Variants in PCYOX1L observed in about 807,000 individuals in gnomAD.
PCYOX1L encodes the protein prenylcysteine oxidase 1-like.
A neutral mutation model predicts 44.1 loss-of-function variants in PCYOX1L; 40 were observed. The observed-to-expected ratio is 0.91, with a 90% CI of 0.70 to 1.18. PCYOX1L has a LOEUF of 1.18. PCYOX1L is among the 50% of genes most tolerant of loss of function. PCYOX1L has a pLI of 0.00. For synonymous variants in PCYOX1L, 266 were observed against 282.8 expected (o/e 0.94, Z 0.60); for missense variants, 605 against 653.3 (o/e 0.93, Z 0.81).
intron 3 of PCYOX1L, chr5:149,365,675 A>C: frequency 1.9e-6 from 1 of 523,712 alleles, no homozygotes; most frequent in Non-Finnish European, 3.5e-6. Context: ...GGAGTGGCTC[A>C]GAGCAGTGAT....
At chr5:149,358,189 G>A in intron 1 of PCYOX1L, 33 bp downstream of exon 1, 2 of 1,415,212 alleles carry the variant, frequency 1.4e-6, no homozygotes, top group East Asian at 3.1e-5. Flanking sequence ...TTCCCAGCTG[G>A]GGAGGGCCGG....
Position 149,368,266 on chromosome 5 carries a change from G to A in PCYOX1L, c.1097G>A (p.Ser366Asn). Residue 366 changes from serine to asparagine, a missense_variant, in exon 6 of 6, where the codon AGC becomes AAC. Ser to Asn is a conservative substitution (Grantham distance 46). Coordinates refer to ENST00000274569, the MANE Select transcript of PCYOX1L (RefSeq NM_024028.4). ...AACATCCTTACCACAGATTTCCCCAGCTTCTTCTGCACTCTGGACAACATC... is the reference window on the plus strand; with the variant it reads ...AACATCCTTACCACAGATTTCCCCAACTTCTTCTGCACTCTGGACAACATC... ...FANILTTDFP[S>N]FFCTLDNICP... The A allele has an allele frequency of 6.2e-7, 1 of 1,614,112 alleles. No homozygotes were observed. The highest frequency in any genetic ancestry group is 8.5e-7 in the Non-Finnish European group (1 of 1,180,030).
chr5:149,366,196 C>T, intron 4 of PCYOX1L, 43 bp downstream of exon 4: 1 of 1,590,924 alleles, frequency 6.3e-7, no homozygotes, highest in Non-Finnish European at 8.5e-7. Flanking sequence ...CCCTCCTCCA[C>T]CCAAGGTGCT....
intron 5 of PCYOX1L, 38 bp from the exon 6 acceptor site, chr5:149,367,955 C>T: frequency 6.6e-7 from 1 of 1,519,620 alleles, no homozygotes; most frequent in East Asian, 2.3e-5. Context: ...TGGGTAGAAG[C>T]CAAGGGAAAG....
In PCYOX1L at chr5:149,358,295, C is replaced by A. The variant is rs867690134; in HGVS notation, c.88+139C>A. ...GAAAAGGAGCTGGGTGGAGGAGAGG[C>A]GCCGAAGGGGACGCGGCAGGGAAGG... On this transcript the variant is annotated intron_variant, in intron 1 of 5. Coordinates refer to ENST00000274569, the MANE Select transcript of PCYOX1L (RefSeq NM_024028.4). 33 of 1,216,220 alleles carry A rather than the reference C, an allele frequency of 2.7e-5. No individual in the cohort carries two copies. The Middle Eastern group carries it at 1.3e-3, about 47-fold the overall frequency. 75.3% of individuals were successfully genotyped at this position (1,216,220 alleles called of 1,614,324 possible).
chr5:149,360,031 C>T (rs941066282), intron 1 of PCYOX1L, among the ~76,000 whole-genome samples: 6 of 152,226 alleles, frequency 3.9e-5, no homozygotes, highest in African/African-American at 1.4e-4. Context: ...GATTGTCCTC[C>T]AGCATCTTGC....
intron 1 of PCYOX1L, among the ~76,000 whole-genome samples, chr5:149,360,129 T>TG (rs542700609): frequency 2.0e-5 from 3 of 152,380 alleles, no homozygotes; most frequent in African/African-American, 7.2e-5. Flanking sequence ...CCTGGAACCC[T>TG]GTTGCACTTC....
Position 149,366,105 on chromosome 5 carries a change from G to T in PCYOX1L, c.634G>T (p.Val212Phe), listed in dbSNP as rs1052053079. The change falls in exon 4 of 6, where the codon GTC (valine) becomes TTC (phenylalanine). Residue 212 changes from valine to phenylalanine, a missense_variant. Transcript: ENST00000274569. ...QRFIDDVVSA[V>F]LRASYGQSAA... ...CTTTATTGATGATGTCGTTTCTGCTGTCCTGCGGGCCAGCTATGGCCAGTC... is the reference window on the plus strand; with the variant it reads ...CTTTATTGATGATGTCGTTTCTGCTTTCCTGCGGGCCAGCTATGGCCAGTC... 1 of 1,613,930 alleles carries T rather than the reference G, an allele frequency of 6.2e-7. No individual in the cohort carries two copies. Among genetic ancestry groups the T allele is most frequent in the Non-Finnish European group, 8.5e-7 (1 of 1,180,036 alleles).
rs1287750665 is a variant in PCYOX1L at position 149,368,833 on chromosome 5, TTTTTTTTAAGGGGGAAAG to T, written c.*181_*198del. ...TAAGGGTCCACACGGCGGCTGCTGCTTTTTTTTAAGGGGGAAAGTAAGAAAAGAGAAGGAAATCCAAGC... is the reference window on the plus strand; with the variant it reads ...TAAGGGTCCACACGGCGGCTGCTGCTTAAGAAAAGAGAAGGAAATCCAAGC... On this transcript the variant is annotated 3_prime_UTR_variant, in exon 6 of 6. Coordinates refer to ENST00000274569, the MANE Select transcript of PCYOX1L (RefSeq NM_024028.4). 2.0e-5 allele frequency: 9 copies of T among 454,138 alleles called. No homozygotes were observed. The highest frequency in any genetic ancestry group is 2.9e-5 in the Non-Finnish European group (8 of 275,284). The allele number at this position is 454,138 out of a possible 1,614,324, so 28.1% of individuals were successfully genotyped here. A position where few individuals can be genotyped will look rare whatever the true frequency, so the allele number is the denominator to read the frequency against.
chr5:149,363,890 C>T, intron 2 of PCYOX1L, 146 bp from the exon 3 acceptor site: 1 of 784,610 alleles, frequency 1.3e-6, no homozygotes, highest in Non-Finnish European at 1.9e-6. Context: ...AAACATTTTC[C>T]CAGTGCATCT....
chr5:149,361,892 GTGT>G (rs1581367060), intron 1 of PCYOX1L, among the ~76,000 whole-genome samples: 1 of 141,438 alleles, frequency 7.1e-6, no homozygotes, highest in Non-Finnish European at 1.5e-5. Flanking sequence ...GCCTCCCAAA[GTGT>G]TGTGATTACA....
Position 149,358,141 on chromosome 5 carries a change from C to T in PCYOX1L, c.73C>T (p.Pro25Ser). 1.4e-6 allele frequency: 2 copies of T among 1,459,314 alleles called. No homozygotes were observed. Among genetic ancestry groups the T allele is most frequent in the African/African-American group, 1.5e-5 (1 of 68,328 alleles). The allele number at this position is 1,459,314 out of a possible 1,614,324, so 90.4% of individuals were successfully genotyped here. ...LAAAAAGGDAPPGKIAVVGAG... is the reference protein window; with the variant it reads ...LAAAAAGGDASPGKIAVVGAG... Reference sequence around the variant, plus strand: ...CGCCGCCGCTGCTGGCGGAGATGCCCCGCCGGGCAAAATCGGTGCGGGAAG... The same window carrying T: ...CGCCGCCGCTGCTGGCGGAGATGCCTCGCCGGGCAAAATCGGTGCGGGAAG... Residue 25 changes from proline (P) to serine (S), a missense_variant, in exon 1 of 6, where the codon CCG becomes TCG. Coordinates refer to ENST00000274569, the MANE Select transcript of PCYOX1L (RefSeq NM_024028.4).
rs539442717 is a variant in PCYOX1L at position 149,364,297 on chromosome 5, A to G, written c.470+87A>G. 69 of 1,505,932 alleles carry G rather than the reference A, an allele frequency of 4.6e-5. No individual in the cohort carries two copies. The South Asian group carries it at 7.6e-4, about 17-fold the overall frequency. The allele number at this position is 1,505,932 out of a possible 1,614,324, so 93.3% of individuals were successfully genotyped here. A position where few individuals can be genotyped will look rare whatever the true frequency, so the allele number is the denominator to read the frequency against. ...ACCAGCTTGCCTGTACTTTGTGAAA[A>G]AGGAAAAGGTCCTTGCTGAATTGAG... On this transcript the variant is annotated intron_variant, in intron 3 of 5. Transcript: ENST00000274569.
rs1428684161 is a variant in PCYOX1L, at chr5:149,365,690, T to C, written c.471-252T>C. ...GGAGTGGCTCAGAGCAGTGATACAG[T>C]TGTTACTCAGCACAGCCGTGATGTG... On this transcript the variant is annotated intron_variant, in intron 3 of 5. Transcript: ENST00000274569. 3.1e-5 allele frequency: 17 copies of C among 553,074 alleles called. No homozygotes were observed. In the Admixed American group the frequency reaches 4.0e-4, roughly 13 times the overall value. The allele number at this position is 553,074 out of a possible 1,614,324, so 34.3% of individuals were successfully genotyped here. A position where few individuals can be genotyped will look rare whatever the true frequency, so the allele number is the denominator to read the frequency against.
At position 149,365,978 on chromosome 5, in the gene PCYOX1L, G is replaced by T. The variant is rs763606512; in HGVS notation, c.507G>T (p.Ser169=). The change falls in exon 4 of 6, where the codon TCG becomes TCT. Residue 169 remains serine, a synonymous_variant. Transcript: ENST00000274569. ...YKYQAHGYAF[S]GVEELLYSLG... is the part of the protein sequence containing the mutation. Reference sequence around the variant, plus strand: ...ACCAGGCCCACGGCTATGCCTTCTCGGGTGTGGAGGAGCTGCTCTACTCAC... The same window carrying T: ...ACCAGGCCCACGGCTATGCCTTCTCTGGTGTGGAGGAGCTGCTCTACTCAC... The T allele has an allele frequency of 6.2e-7, 1 of 1,614,214 alleles. No individual in the cohort carries two copies.
At chr5:149,366,314 T>C (rs1186285605) in intron 4 of PCYOX1L, among the ~76,000 whole-genome samples, 161 bp downstream of exon 4, 1 of 152,202 alleles carries the variant, frequency 6.6e-6, no homozygotes, top group African/African-American at 2.4e-5. Context: ...TGGCCATGAG[T>C]TGGCAGGAGA....
chr5:149,368,768 T>G lies in PCYOX1L; in HGVS notation c.*114T>G, dbSNP rs1482054231. 1.8e-6 allele frequency: 2 copies of G among 1,097,460 alleles called. No homozygotes were observed. Among genetic ancestry groups the G allele is most frequent in the Non-Finnish European group, 2.5e-6 (2 of 813,384 alleles). 68.0% of individuals were successfully genotyped at this position (1,097,460 alleles called of 1,614,324 possible). A position where few individuals can be genotyped will look rare whatever the true frequency, so the allele number is the denominator to read the frequency against. ...CACCAGGCTTCTTTCTGACCCCTCA[T>G]GTATCAAGCATCTCCAGGTGACCTA... On this transcript the variant is annotated 3_prime_UTR_variant, in exon 6 of 6. Coordinates refer to ENST00000274569, the MANE Select transcript of PCYOX1L (RefSeq NM_024028.4).
chr5:149,360,628 C>G (rs1433815779), intron 1 of PCYOX1L, among the ~76,000 whole-genome samples: 1 of 152,136 alleles, frequency 6.6e-6, no homozygotes, highest in African/African-American at 2.4e-5. Context: ...AGGAGGAACA[C>G]CTGACTCACC....
At chr5:149,365,714 T>A in intron 3 of PCYOX1L, 1 of 583,510 alleles carries the variant, frequency 1.7e-6, no homozygotes, top group Non-Finnish European at 3.1e-6. Flanking sequence ...AGCCGTGATG[T>A]GAAGCCAGGC....
Sources: gnomAD v4.1 joint callset for allele counts (sites outside exome capture counted in the v4.1 genomes callset) on GRCh38, gnomAD v4.1.1 for gene constraint, MANE v1.5 for transcripts, NCBI Gene and HGNC (gene_info 2026-07-23, HGNC 2026-07-21) for gene names.